DPYSL3: variants seen among roughly 807,000 people sequenced by gnomAD.
DPYSL3 encodes dihydropyrimidinase like 3.
A neutral mutation model predicts 66.1 loss-of-function variants in DPYSL3; 16 were observed. That is an observed-to-expected ratio of 0.24 (90% CI 0.16 to 0.37). DPYSL3 has a LOEUF of 0.37. DPYSL3 is among the 10% of genes least tolerant of loss of function. The pLI, the probability that DPYSL3 is intolerant of heterozygous loss-of-function variation, is 1.00. For missense variants in DPYSL3, 738 were observed against 916.2 expected, an observed-to-expected ratio of 0.81 and a Z score of 2.51; for synonymous variants, 338 against 345.1, an observed-to-expected ratio of 0.98 and a Z score of 0.23.
intron 1 of DPYSL3, among the ~76,000 whole-genome samples, chr5:147,480,999 C>T (rs532011073): frequency 8.6e-4 from 131 of 151,902 alleles, no homozygotes; most frequent in African/African-American, 3.0e-3. Context: ...TGGAATTACA[C>T]GTGTGAGCCA....
chr5:147,415,034 A>C (rs1159072018), intron 4 of DPYSL3, among the ~76,000 whole-genome samples: 3 of 151,596 alleles, frequency 2.0e-5, no homozygotes, highest in Admixed American at 6.6e-5. Flanking sequence ...TGTGGGGGGG[A>C]GGGGTTTGCA....
intron 1 of DPYSL3, chr5:147,453,720 C>CCCGCCT: frequency 7.6e-7 from 1 of 1,318,514 alleles, no homozygotes; most frequent in Non-Finnish European, 9.7e-7. Flanking sequence ...GCCGCCTCCG[C>CCCGCCT]CCGCCTCCGC....
rs200265182 is a variant in DPYSL3, at chr5:147,491,751, G to GA, written c.381+17726dup. 3.1e-3 allele frequency among the ~76,000 whole-genome samples: 447 copies of GA among 142,284 alleles called. 3 individuals are homozygous for GA. Among genetic ancestry groups the GA allele is most frequent in the African/African-American group, 0.01 (397 of 38,678 alleles). 93.3% of individuals were successfully genotyped at this position (142,284 alleles called of 152,430 possible). A position where few individuals can be genotyped will look rare whatever the true frequency, so the allele number is the denominator to read the frequency against. On this transcript the variant is annotated intron_variant, in intron 1 of 13. Coordinates refer to ENST00000343218, the MANE Select transcript of DPYSL3 (RefSeq NM_001197294.2). Reference sequence around the variant, plus strand: ...AACTGCCAAAACTGAAATGCAGGGAGAAAAAAAAAAGACCAAAAAAAGACC... The same window carrying GA: ...AACTGCCAAAACTGAAATGCAGGGAGAAAAAAAAAAAGACCAAAAAAAGACC...
intron 1 of DPYSL3, among the ~76,000 whole-genome samples, chr5:147,426,174 G>C (rs946731634): frequency 1.3e-5 from 2 of 152,124 alleles, no homozygotes; most frequent in African/African-American, 4.8e-5. Context: ...AAATACAGGG[G>C]AGTGGGCTTG....
At chr5:147,486,700 A>T (rs919495000) in intron 1 of DPYSL3, among the ~76,000 whole-genome samples, 1 of 151,878 alleles carries the variant, frequency 6.6e-6, no homozygotes, top group Non-Finnish European at 1.5e-5. Context: ...ACACTGAGTA[A>T]ACATCTGTTG....
intron 1 of DPYSL3, among the ~76,000 whole-genome samples, chr5:147,476,425 C>A (rs1753156847): frequency 6.6e-6 from 1 of 151,958 alleles, no homozygotes; most frequent in Non-Finnish European, 1.5e-5. Context: ...TATGTTAATG[C>A]ATATTTAGGA....
At chr5:147,501,678 C>T (rs1753614947) in intron 1 of DPYSL3, among the ~76,000 whole-genome samples, 1 of 151,868 alleles carries the variant, frequency 6.6e-6, no homozygotes. Flanking sequence ...GAGGTTTTGC[C>T]ATGTTGGACA....
intron 1 of DPYSL3, among the ~76,000 whole-genome samples, chr5:147,427,839 C>T (rs1752225575): frequency 1.3e-5 from 2 of 152,160 alleles, no homozygotes; most frequent in Admixed American, 1.3e-4. Context: ...TACCCTCCCT[C>T]TCATAACTCA....
intron 1 of DPYSL3, among the ~76,000 whole-genome samples, chr5:147,500,864 A>G (rs1307662717): frequency 2.6e-5 from 4 of 152,226 alleles, no homozygotes; most frequent in Non-Finnish European, 4.4e-5. Flanking sequence ...ATTCATTGCT[A>G]CTAAGAATGC....
chr5:147,439,956 CG>C (rs1176993617), intron 1 of DPYSL3, among the ~76,000 whole-genome samples: 2 of 152,284 alleles, frequency 1.3e-5, no homozygotes, highest in East Asian at 3.9e-4. Context: ...AAGGCAGCTT[CG>C]ACAGAGCCAT....
intron 1 of DPYSL3, among the ~76,000 whole-genome samples, chr5:147,433,812 T>A (rs1752359265): frequency 6.6e-6 from 1 of 152,082 alleles, no homozygotes; most frequent in South Asian, 2.1e-4. Flanking sequence ...GGCGGGCGGA[T>A]CACGAGGTCA....
intron 1 of DPYSL3, among the ~76,000 whole-genome samples, chr5:147,505,080 AGAGGATTTTAGTAACATGAATGCC>A (rs1264858723): frequency 1.4e-4 from 22 of 152,340 alleles, no homozygotes; most frequent in African/African-American, 2.4e-4. Flanking sequence ...AGCCAACCAT[AGAGGATTTTAGTAACATGAATGCC>A]GAGGATTTTA....
chr5:147,443,485 TG>T (rs1440238740), intron 1 of DPYSL3, among the ~76,000 whole-genome samples: 4 of 151,240 alleles, frequency 2.6e-5, no homozygotes, highest in Non-Finnish European at 4.4e-5. Flanking sequence ...TGTTGGGGGT[TG>T]GGGGGGTGAT....
At chr5:147,506,994 C>A (rs1324410457) in intron 1 of DPYSL3, among the ~76,000 whole-genome samples, 1 of 152,214 alleles carries the variant, frequency 6.6e-6, no homozygotes, top group Non-Finnish European at 1.5e-5. Context: ...ATGTTCATTA[C>A]TTCAGCAAGG....
intron 1 of DPYSL3, chr5:147,453,681 G>A (rs1581203265): frequency 6.9e-7 from 1 of 1,442,210 alleles, no homozygotes; most frequent in Middle Eastern, 2.2e-4. Flanking sequence ...CCCGAGATCA[G>A]GTGGAGTGAA....
In DPYSL3 at chr5:147,395,147, C is replaced by T. The variant is rs867923041; in HGVS notation, c.1966+412G>A. Among the ~76,000 whole-genome samples the T allele has an allele frequency of 4.6e-5, 7 of 152,320 alleles. No homozygotes were observed. In the South Asian group the frequency reaches 8.3e-4, roughly 18 times the overall value. On this transcript the variant is annotated intron_variant, in intron 13 of 13. Transcript: ENST00000343218. ...ATAATAAAAATCCTAGGTTAGAAGA[C>T]GCTACTGCAATTTGAGCATAAAAAT... is the stretch of plus-strand genomic sequence containing the variant.
intron 1 of DPYSL3, among the ~76,000 whole-genome samples, chr5:147,502,570 G>C: frequency 7.7e-6 from 1 of 130,298 alleles, no homozygotes. Context: ...GCTTAATAAT[G>C]CTTTTTTTTT....
chr5:147,479,605 TTATC>T (rs1753208198), intron 1 of DPYSL3, among the ~76,000 whole-genome samples: 2 of 152,194 alleles, frequency 1.3e-5, no homozygotes, highest in African/African-American at 4.8e-5. Flanking sequence ...GACAGGCATC[TTATC>T]TATCAACACC....
intron 1 of DPYSL3, among the ~76,000 whole-genome samples, chr5:147,465,850 T>C (rs2126416760): frequency 6.6e-6 from 1 of 152,302 alleles, no homozygotes; most frequent in East Asian, 1.9e-4. Context: ...CGGCTTAACT[T>C]GTCCCTCTCC....
Sources: allele counts gnomAD v4.1 joint callset (sites outside exome capture counted in the v4.1 genomes callset), GRCh38; gene constraint gnomAD v4.1.1; transcripts MANE v1.5; gene names NCBI Gene and HGNC (gene_info 2026-07-23, HGNC 2026-07-21).